The following PSG4 variants were observed in gnomAD, a reference collection of about 807,000 sequenced individuals.
PSG4 encodes pregnancy-specific beta-1-glycoprotein 4.
Under a neutral mutation model 44.3 loss-of-function variants are expected in PSG4, and 61 were observed. The observed-to-expected ratio is 1.38, with a 90% confidence interval of 1.12 to 1.70. The LOEUF (loss-of-function observed/expected upper bound fraction) is 1.70, where lower values mean the gene tolerates loss of function less well. Among genes scored for constraint, PSG4 ranks in the 40% most tolerant of loss-of-function variants. PSG4 has a pLI of 0.00. For missense variants in PSG4, 677 were observed against 511.7 expected, an observed-to-expected ratio of 1.32 and a Z score of -3.12; for synonymous variants, 248 against 191.3, an observed-to-expected ratio of 1.30 and a Z score of -2.45.
chr19:43,204,530 A>G (rs1967670768), intron 1 of PSG4: 1 of 408,858 alleles, frequency 2.4e-6, no homozygotes, highest in Non-Finnish European at 4.1e-6. Context: ...CCCCCTCCAC[A>G]CTGCCCTCAG....
In PSG4 at chr19:43,205,172, A is replaced by T. The variant is rs562095981; in HGVS notation, c.64+301T>A. 3.6e-5 allele frequency among the ~76,000 whole-genome samples: 4 copies of T among 112,486 alleles called. No individual in the cohort carries two copies. The South Asian group carries it at 9.2e-4, about 26-fold the overall frequency. The allele number at this position is 112,486 out of a possible 152,430, so 73.8% of individuals were successfully genotyped here. A position where few individuals can be genotyped will look rare whatever the true frequency, so the allele number is the denominator to read the frequency against. Reference sequence around the variant, plus strand: ...ACCCAGGCTGGTGTGCAGTAGTGCTATCTTGGCTAGCTGCAACTTCTGCCT... The same window carrying T: ...ACCCAGGCTGGTGTGCAGTAGTGCTTTCTTGGCTAGCTGCAACTTCTGCCT... On this transcript the variant is annotated intron_variant, in intron 1 of 5. Transcript: ENST00000405312.
rs575362866 is a variant in PSG4 at position 43,193,107 on chromosome 19, G to T, written c.*265C>A. The T allele has an allele frequency of 1.4e-5, 9 of 639,642 alleles. No homozygotes were observed. The highest frequency in any genetic ancestry group is 2.3e-5 in the Non-Finnish European group (8 of 353,810). 39.6% of individuals were successfully genotyped at this position (639,642 alleles called of 1,614,324 possible). On this transcript the variant is annotated 3_prime_UTR_variant, in exon 6 of 6. Transcript: ENST00000405312. ...AGAGGGGTGGGAGCCTTATCATGAT[G>T]GGGAGTCTTGTTCTGACATCTTTGG...
chr19:43,203,895 T>C lies in PSG4; in HGVS notation c.421A>G (p.Thr141Ala). 6.3e-7 allele frequency: 1 copy of C among 1,579,860 alleles called. No homozygotes were observed. The highest frequency in any genetic ancestry group is 1.1e-5 in the South Asian group (1 of 88,552). Reference protein sequence around the residue: ...TGGVTGHFTFTLHLETPKPSI... With the variant: ...TGGVTGHFTFALHLETPKPSI... The stretch of plus-strand genomic sequence containing the variant: ...ATGTGGAATCACTCACGGTGTAAGG[T>C]GAAGGTGAAATGTCCAGTTACTCCT... Residue 141 changes from threonine to alanine, a missense_variant, in exon 2 of 6, where the codon ACC (threonine) becomes GCC (alanine). By Grantham distance (58) the Thr-to-Ala change is moderately conservative (BLOSUM62 0). Coordinates refer to ENST00000405312, the MANE Select transcript of PSG4 (RefSeq NM_002780.5).
intron 3 of PSG4, chr19:43,196,589 G>A (rs1258603531): frequency 6.6e-6 from 1 of 151,392 alleles, no homozygotes; most frequent in Non-Finnish European, 1.5e-5. Context: ...AGATTAGTAG[G>A]CAAAAGTGGG....
intron 2 of PSG4, among the ~76,000 whole-genome samples, chr19:43,200,615 G>A (rs1448393315): frequency 9.7e-5 from 14 of 144,228 alleles, no homozygotes; most frequent in Non-Finnish European, 3.0e-5. Context: ...TCGCTCTGTT[G>A]CCCAGGCTGG....
rs1233303828 is a variant in PSG4 at position 43,198,260 on chromosome 19, G to A, written c.446C>T (p.Pro149Leu). Residue 149 changes from proline (P) to leucine (L), a missense_variant, in exon 3 of 6, where the codon CCC (proline) becomes CTC (leucine). Pro to Leu is a moderately conservative substitution (Grantham distance 98). Coordinates refer to ENST00000405312, the MANE Select transcript of PSG4 (RefSeq NM_002780.5). ...TFTLHLETPK[P>L]SISSSNLNPR... ...ATTTAAGTTGCTGCTGGAGATGGAGGGCTTGGGAGTCTCCACTGTGCAGAA... is the reference window on the plus strand; with the variant it reads ...ATTTAAGTTGCTGCTGGAGATGGAGAGCTTGGGAGTCTCCACTGTGCAGAA... 4 of 1,586,548 alleles carry A rather than the reference G, an allele frequency of 2.5e-6. No individual in the cohort carries two copies. Among genetic ancestry groups the A allele is most frequent in the South Asian group, 1.1e-5 (1 of 89,852 alleles).
intron 5 of PSG4, chr19:43,194,057 A>C: frequency 1.7e-6 from 2 of 1,186,264 alleles, no homozygotes; most frequent in Non-Finnish European, 2.3e-6. Flanking sequence ...GCAAATTTTC[A>C]AATAAAAATC....
intron 2 of PSG4, among the ~76,000 whole-genome samples, chr19:43,199,553 C>T (rs1342005676): frequency 1.4e-5 from 2 of 145,548 alleles, no homozygotes; most frequent in Non-Finnish European, 1.5e-5. Context: ...CACAATGCGC[C>T]AGTGAGCACT....
At chr19:43,203,699 G>T in intron 2 of PSG4, 187 bp downstream of exon 2, 1 of 1,133,522 alleles carries the variant, frequency 8.8e-7, no homozygotes, top group Non-Finnish European at 1.2e-6. Context: ...GGGTCTGAAT[G>T]CGGGAAAGGA....
intron 4 of PSG4, 83 bp downstream of exon 4, chr19:43,194,912 T>G: frequency 6.3e-7 from 1 of 1,575,954 alleles, no homozygotes; most frequent in Non-Finnish European, 8.6e-7. Flanking sequence ...ATACTTGGAC[T>G]GGAGAGAGAC....
Position 43,197,443 on chromosome 19 carries a change from A to T in PSG4, c.709+554T>A, listed in dbSNP as rs1006617125. Reference sequence around the variant, plus strand: ...TCTATATGTTTTAGTGATTTGGGGGATAAAGCACACTTGTGCTGATTGCTG... The same window carrying T: ...TCTATATGTTTTAGTGATTTGGGGGTTAAAGCACACTTGTGCTGATTGCTG... On this transcript the variant is annotated intron_variant, in intron 3 of 5. Coordinates refer to ENST00000405312, the MANE Select transcript of PSG4 (RefSeq NM_002780.5). Among the ~76,000 whole-genome samples, 56 of 145,098 alleles carry T rather than the reference A, an allele frequency of 3.9e-4. 10 individuals carry two copies. Among genetic ancestry groups the T allele is most frequent in the African/African-American group, 1.5e-3 (55 of 37,698 alleles).
chr19:43,194,404 A>T lies in PSG4; in HGVS notation c.1179T>A (p.Ala393=), dbSNP rs753468117. The T allele has an allele frequency of 3.7e-6, 6 of 1,612,348 alleles. No individual in the cohort carries two copies. Among genetic ancestry groups the T allele is most frequent in the Non-Finnish European group, 5.1e-6 (6 of 1,179,130 alleles). Residue 393 remains alanine, a synonymous_variant, in exon 5 of 6, where the codon GCT becomes GCA. Coordinates refer to ENST00000405312, the MANE Select transcript of PSG4 (RefSeq NM_002780.5). The part of the protein sequence containing the change: ...QITTKHSGLY[A]CSVRNSATGK... ...CAGTGGCTGAGTTACGAACAGAGCA[A>T]GCATAGAGCCCACTATGCTTTGTAG...
intron 5 of PSG4, chr19:43,193,961 T>C: frequency 2.5e-6 from 2 of 791,932 alleles, no homozygotes; most frequent in East Asian, 2.5e-5. Context: ...TTCCCAGAAG[T>C]ATAGTTTATT....
chr19:43,204,223 GGGC>G lies in PSG4; in HGVS notation c.90_92del (p.Pro31del), dbSNP rs1967654692. On this transcript the variant is annotated inframe_deletion, in exon 2 of 6. Transcript: ENST00000405312. ...CTTCAATCGTGACTTGGGCAGTTGTGGGCGGATTCCAGAAGTTTAAAAGTGATG... is the reference window on the plus strand; with the variant it reads ...CTTCAATCGTGACTTGGGCAGTTGTGGGATTCCAGAAGTTTAAAAGTGATG... 5.7e-6 allele frequency: 9 copies of G among 1,580,190 alleles called. No individual in the cohort carries two copies. Among genetic ancestry groups the G allele is most frequent in the Non-Finnish European group, 6.9e-6 (8 of 1,167,538 alleles).
intron 3 of PSG4, chr19:43,196,425 T>C (rs1445679937): frequency 1.3e-5 from 2 of 151,532 alleles, no homozygotes; most frequent in Non-Finnish European, 2.9e-5. Context: ...TTCACACAGA[T>C]TGAGTATTAT....
In PSG4 at chr19:43,193,341, G is replaced by A. The variant is rs780240016; in HGVS notation, c.*31C>T. The A allele has an allele frequency of 4.5e-5, 35 of 775,190 alleles. 3 individuals are homozygous for A. Among genetic ancestry groups the A allele is most frequent in the Admixed American group, 6.8e-5 (4 of 58,880 alleles). The allele number at this position is 775,190 out of a possible 1,614,324, so 48.0% of individuals were successfully genotyped here. On this transcript the variant is annotated 3_prime_UTR_variant, in exon 6 of 6. Transcript: ENST00000405312. ...GGTCTTGCTCTTCGTGATTCCATGG[G>A]AGAAAATGGAATTGGAGGAACTAGT...
At chr19:43,202,846 A>G in intron 2 of PSG4, among the ~76,000 whole-genome samples, 1 of 144,536 alleles carries the variant, frequency 6.9e-6, no homozygotes. Context: ...CCAATAAATG[A>G]CTATGGGGTG....
chr19:43,205,552 T>A lies in PSG4; in HGVS notation c.-16A>T. ...GGGGCCCCATGGTCTCTGCTGCTTG[T>A]GTGTTCTCCTCTGTGGAGATAAGCC... is the stretch of plus-strand genomic sequence containing the variant. On this transcript the variant is annotated 5_prime_UTR_variant, in exon 1 of 6. Coordinates refer to ENST00000405312, the MANE Select transcript of PSG4 (RefSeq NM_002780.5). The A allele has an allele frequency of 6.5e-7, 1 of 1,534,146 alleles. No individual in the cohort carries two copies. Among genetic ancestry groups the A allele is most frequent in the Non-Finnish European group, 8.8e-7 (1 of 1,138,354 alleles).
chr19:43,198,526 G>C, intron 2 of PSG4: 4 of 660,458 alleles, frequency 6.1e-6, no homozygotes, highest in Non-Finnish European at 8.9e-6. Context: ...GTCATGGAAA[G>C]ACACAGGACC....
Sources: gnomAD v4.1 joint callset for allele counts (sites outside exome capture counted in the v4.1 genomes callset) on GRCh38, gnomAD v4.1.1 for gene constraint, MANE v1.5 for transcripts, NCBI Gene and HGNC (gene_info 2026-07-23, HGNC 2026-07-21) for gene names.